Variants in BEST3 observed in about 807,000 individuals in gnomAD.
BEST3 encodes the protein bestrophin 3, also known as bestrophin-3.
In BEST3, 50 loss-of-function variants were observed where a neutral mutation model predicts 47.1. That is an observed-to-expected ratio of 1.06 (90% CI 0.85 to 1.34). The LOEUF (loss-of-function observed/expected upper bound fraction) is 1.34, where lower values mean the gene tolerates loss of function less well. Among genes scored for constraint, BEST3 ranks in the 40% most tolerant of loss-of-function variants. The pLI is 0.00. For synonymous variants in BEST3, 282 were observed against 298.8 expected (o/e 0.94, Z 0.58); for missense variants, 765 against 817.0 (o/e 0.94, Z 0.78).
At position 69,655,686 on chromosome 12, in the gene BEST3, T is replaced by G. The variant is rs145485765; in HGVS notation, c.1228A>C (p.Arg410=). 6.9e-3 allele frequency: 11,180 copies of G among 1,614,024 alleles called. 56 individuals are homozygous for G. The highest frequency in any genetic ancestry group is 7.7e-3 in the Non-Finnish European group (9,043 of 1,179,988). Residue 410 remains arginine (R), a synonymous_variant, in exon 10 of 10, where the codon AGA becomes CGA. Coordinates refer to ENST00000330891, the MANE Select transcript of BEST3 (RefSeq NM_032735.3). Reference sequence around the variant, plus strand: ...CTTGTCTGCCTCCTGTAGCTTCTTCTTCTGGGGCTGGAGGGGTGTTCGTGG... The same window carrying G: ...CTTGTCTGCCTCCTGTAGCTTCTTCGTCTGGGGCTGGAGGGGTGTTCGTGG... ...SAHEHPSSPR[R]RSYRRQTSDS... is the part of the protein sequence containing the mutation.
At chr12:69,646,029 G>C (rs776177) in intron 9 of BEST3, among the ~76,000 whole-genome samples, 146,988 of 152,256 alleles carry the variant, frequency 0.97, 71,163 homozygotes, top group East Asian at 1. Flanking sequence ...CTCTGCCCCC[G>C]AGGTTCAAGT....
At chr12:69,678,603 G>T in intron 5 of BEST3, 136 bp downstream of exon 5, 1 of 792,554 alleles carries the variant, frequency 1.3e-6, no homozygotes, top group Non-Finnish European at 2.0e-6. Context: ...TGAGAGGTCT[G>T]ACACTAGTCC....
At chr12:69,696,281 T>G (rs1315299518) in intron 2 of BEST3, among the ~76,000 whole-genome samples, 1 of 152,114 alleles carries the variant, frequency 6.6e-6, no homozygotes, top group Non-Finnish European at 1.5e-5. Flanking sequence ...ATGCATAAAA[T>G]GTTGTGGGGT....
chr12:69,665,256 A>G (rs775506), intron 9 of BEST3, among the ~76,000 whole-genome samples: 80,447 of 141,428 alleles, frequency 0.57, 22,191 homozygotes, highest in East Asian at 0.65. Flanking sequence ...ACAGCTCTAC[A>G]GCGAACACCA....
At chr12:69,658,246 G>GA (rs1334397876) in intron 9 of BEST3, among the ~76,000 whole-genome samples, 4 of 152,150 alleles carry the variant, frequency 2.6e-5, no homozygotes, top group African/African-American at 9.6e-5. Flanking sequence ...AGTCTTCTAG[G>GA]AAAAAAGTTT....
In BEST3 at chr12:69,654,408, TAGAA is replaced by T. The variant is rs1220240732; in HGVS notation, c.*495_*498del. On this transcript the variant is annotated 3_prime_UTR_variant, in exon 10 of 10. Transcript: ENST00000330891. ...GTTATAAAAGTAGGAATGAGATGGT[TAGAA>T]AGCCTCAAACAAAAACGTTAGGAAG... 14 of 985,844 alleles carry T rather than the reference TAGAA, an allele frequency of 1.4e-5. No homozygotes were observed. The highest frequency in any genetic ancestry group is 1.7e-5 in the Non-Finnish European group (14 of 830,364). The allele number at this position is 985,844 out of a possible 1,614,324, so 61.1% of individuals were successfully genotyped here. A position where few individuals can be genotyped will look rare whatever the true frequency, so the allele number is the denominator to read the frequency against.
intron 1 of BEST3, among the ~76,000 whole-genome samples, chr12:69,698,209 G>A (rs991267528): frequency 1.3e-5 from 2 of 152,178 alleles, no homozygotes; most frequent in Admixed American, 6.5e-5. Flanking sequence ...CAAATGCATC[G>A]TTAGCACTCA....
intron 9 of BEST3, among the ~76,000 whole-genome samples, chr12:69,659,844 G>C (rs941448605): frequency 1.3e-5 from 2 of 152,022 alleles, no homozygotes; most frequent in African/African-American, 4.8e-5. Context: ...TAGAATAAAA[G>C]TACCCTCATT....
chr12:69,673,182 G>A (rs1884691556), intron 7 of BEST3, among the ~76,000 whole-genome samples: 1 of 152,172 alleles, frequency 6.6e-6, no homozygotes, highest in South Asian at 2.1e-4. Context: ...TCTCCAAATG[G>A]ATCTGTCCAT....
intron 4 of BEST3, among the ~76,000 whole-genome samples, chr12:69,686,786 A>AAAAAAAAAAAAAG (rs371159662): frequency 0.03 from 4,312 of 143,128 alleles, 130 homozygotes; most frequent in African/African-American, 0.056. Context: ...AAACAAAAAA[A>AAAAAAAAAAAAAG]AAAGAAAGAA....
chr12:69,657,318 A>G (rs559466166), intron 9 of BEST3, among the ~76,000 whole-genome samples: 152 of 152,052 alleles, frequency 1.0e-3, no homozygotes, highest in African/African-American at 3.5e-3. Flanking sequence ...CTGGTCTCGA[A>G]CTCCTGACCT....
intron 9 of BEST3, chr12:69,669,904 A>G (rs763430848): frequency 6.6e-6 from 1 of 152,352 alleles, no homozygotes; most frequent in Non-Finnish European, 1.5e-5. Context: ...TATCTTAACC[A>G]TGGGGTAACA....
At chr12:69,661,537 C>T (rs1883872821) in intron 9 of BEST3, 1 of 152,148 alleles carries the variant, frequency 6.6e-6, no homozygotes, top group Non-Finnish European at 1.5e-5. Flanking sequence ...ATGGGCAAAG[C>T]AAAATGTACT....
intron 4 of BEST3, among the ~76,000 whole-genome samples, chr12:69,680,956 T>C (rs983062367): frequency 2.0e-5 from 3 of 151,886 alleles, no homozygotes; most frequent in African/African-American, 7.2e-5. Flanking sequence ...GTTAATAGTA[T>C]ATAATATTTT....
chr12:69,655,274 C>A lies in BEST3; in HGVS notation c.1640G>T (p.Gly547Val). ...SKTEQQQGPM[G>V]SILSPSEKET... The stretch of plus-strand genomic sequence containing the variant: ...CTTCTCTGAGGGAGACAGGATGGAT[C>A]CCATGGGGCCCTGCTGCTGCTCAGT... Residue 547 changes from glycine (G) to valine (V), a missense_variant, in exon 10 of 10, where the codon GGA (glycine) becomes GTA (valine). Coordinates refer to ENST00000330891, the MANE Select transcript of BEST3 (RefSeq NM_032735.3). The A allele has an allele frequency of 1.2e-6, 2 of 1,614,156 alleles. No homozygotes were observed. Among genetic ancestry groups the A allele is most frequent in the Non-Finnish European group, 1.7e-6 (2 of 1,180,018 alleles).
chr12:69,688,972 T>G, intron 4 of BEST3: 1 of 459,396 alleles, frequency 2.2e-6, no homozygotes, highest in South Asian at 9.2e-5. Flanking sequence ...GTACTTTTTC[T>G]TACAGGTGAT....
At chr12:69,667,927 TTAAGA>T (rs2135950195) in intron 9 of BEST3, among the ~76,000 whole-genome samples, 1 of 152,324 alleles carries the variant, frequency 6.6e-6, no homozygotes, top group East Asian at 1.9e-4. Flanking sequence ...AAATTTGTGC[TTAAGA>T]TAGAAAGAAG....
downstream of BEST3, among the ~76,000 whole-genome samples, chr12:69,651,898 T>C (rs1462743860): frequency 1.3e-5 from 2 of 152,230 alleles, no homozygotes; most frequent in Non-Finnish European, 1.5e-5. Flanking sequence ...AACAAATCTT[T>C]ACTTTCATGG....
chr12:69,648,094 G>A (rs1883096732), intron 9 of BEST3, among the ~76,000 whole-genome samples: 1 of 152,306 alleles, frequency 6.6e-6, no homozygotes, highest in South Asian at 2.1e-4. Flanking sequence ...CAGATAGTGA[G>A]GCGATGCCAA....
Sources: gnomAD v4.1 joint callset for allele counts (sites outside exome capture counted in the v4.1 genomes callset) on GRCh38, gnomAD v4.1.1 for gene constraint, MANE v1.5 for transcripts, NCBI Gene and HGNC (gene_info 2026-07-23, HGNC 2026-07-21) for gene names.